IL1RAPL2: variants seen among roughly 807,000 people sequenced by gnomAD.
The protein encoded by IL1RAPL2 is interleukin 1 receptor accessory protein like 2.
A neutral mutation model predicts 44.1 loss-of-function variants in IL1RAPL2; 3 were observed. The observed-to-expected ratio is 0.07, with a 90% confidence interval of 0.03 to 0.18. The LOEUF is 0.18. Ranked by LOEUF, IL1RAPL2 falls within the 10% of genes least tolerant of loss-of-function variation. The pLI is 1.00. For missense variants in IL1RAPL2, 391 were observed against 496.4 expected, an observed-to-expected ratio of 0.79 and a Z score of 2.02; for synonymous variants, 181 against 178.8, an observed-to-expected ratio of 1.01 and a Z score of -0.10.
rs1026509502 is a variant in IL1RAPL2 at position 105,035,120 on chromosome X, A to C, written c.83-160355A>C. Among the ~76,000 whole-genome samples the C allele has an allele frequency of 8.6e-4, 95 of 111,079 alleles. 1 individual carries two copies. The highest frequency in any genetic ancestry group is 7.6e-4 in the Admixed American group (8 of 10,513). On this transcript the variant is annotated intron_variant, in intron 2 of 10. Coordinates refer to ENST00000372582, the MANE Select transcript of IL1RAPL2 (RefSeq NM_017416.2). Reference sequence around the variant, plus strand: ...TGAAGTATTAGGGTGGGAGTGACCCAATTTTCCAGGTGCCGTCTGTCACCC... The same window carrying C: ...TGAAGTATTAGGGTGGGAGTGACCCCATTTTCCAGGTGCCGTCTGTCACCC...
intron 6 of IL1RAPL2, among the ~76,000 whole-genome samples, chrX:105,705,552 G>C (rs1256264507): frequency 9.0e-6 from 1 of 110,896 alleles, no homozygotes; most frequent in Non-Finnish European, 1.9e-5. Context: ...TTGACTTTGA[G>C]ATATTTTCCC....
At chrX:105,365,436 C>T (rs896852956) in intron 5 of IL1RAPL2, among the ~76,000 whole-genome samples, 5 of 111,161 alleles carry the variant, frequency 4.5e-5, no homozygotes, top group Non-Finnish European at 9.4e-5. Context: ...AGTATTCCCT[C>T]CTCTTAAATT....
At chrX:105,098,737 G>A (rs935756722) in intron 2 of IL1RAPL2, among the ~76,000 whole-genome samples, 3 of 111,812 alleles carry the variant, frequency 2.7e-5, no homozygotes, top group Non-Finnish European at 3.8e-5. Flanking sequence ...CTTCTGATTT[G>A]GGTCAGAGTC....
intron 2 of IL1RAPL2, among the ~76,000 whole-genome samples, chrX:104,826,194 T>TTTAA (rs1438083804): frequency 1.8e-5 from 2 of 111,695 alleles, no homozygotes; most frequent in Admixed American, 9.6e-5. Flanking sequence ...CTCTAGTTCT[T>TTTAA]TTGTGATGTT....
intron 2 of IL1RAPL2, among the ~76,000 whole-genome samples, chrX:105,054,331 A>G (rs1473409692): frequency 3.6e-5 from 4 of 111,686 alleles, no homozygotes; most frequent in African/African-American, 1.3e-4. Context: ...TTTTTTCATC[A>G]TGAGTAAAAT....
intron 2 of IL1RAPL2, among the ~76,000 whole-genome samples, chrX:105,109,622 G>C (rs2032781190): frequency 8.9e-6 from 1 of 111,862 alleles, no homozygotes; most frequent in Admixed American, 9.5e-5. Flanking sequence ...AGAAGTGACT[G>C]TCAACAGTAT....
chrX:105,183,514 TGTG>T (rs1301703247), intron 2 of IL1RAPL2, among the ~76,000 whole-genome samples: 6 of 110,676 alleles, frequency 5.4e-5, no homozygotes, highest in African/African-American at 2.0e-4. Context: ...GAGTCACAGG[TGTG>T]GTGGCAGCAG....
chrX:104,707,687 A>G (rs965505693), intron 2 of IL1RAPL2, among the ~76,000 whole-genome samples: 2 of 111,582 alleles, frequency 1.8e-5, no homozygotes, highest in Non-Finnish European at 3.8e-5. Context: ...TGAGCTAATG[A>G]TATATCTTAA....
intron 2 of IL1RAPL2, among the ~76,000 whole-genome samples, chrX:105,033,957 A>C (rs1445353482): frequency 9.1e-6 from 1 of 109,498 alleles, no homozygotes; most frequent in African/African-American, 3.3e-5. Context: ...TTCCCTTCTC[A>C]CTTCATTTCA....
chrX:104,745,694 A>T (rs1932162379), intron 2 of IL1RAPL2, among the ~76,000 whole-genome samples: 1 of 111,955 alleles, frequency 8.9e-6, no homozygotes, highest in Admixed American at 9.5e-5. Context: ...TAGCATTTTC[A>T]GATTAAGCAA....
intron 2 of IL1RAPL2, among the ~76,000 whole-genome samples, chrX:104,873,572 C>A (rs1161573745): frequency 9.0e-6 from 1 of 111,256 alleles, no homozygotes; most frequent in Admixed American, 9.6e-5. Flanking sequence ...AACAGGGAAG[C>A]CTCTATCTGG....
chrX:104,890,766 G>A (rs1250618491), intron 2 of IL1RAPL2, among the ~76,000 whole-genome samples: 1 of 111,566 alleles, frequency 9.0e-6, no homozygotes, highest in South Asian at 3.8e-4. Flanking sequence ...CACTCTGATG[G>A]TAGTTTCTTT....
At chrX:104,887,385 G>A in intron 2 of IL1RAPL2, among the ~76,000 whole-genome samples, 1 of 112,123 alleles carries the variant, frequency 8.9e-6, no homozygotes, top group Non-Finnish European at 1.9e-5. Context: ...TAGACTCGTG[G>A]GACAACCCCA....
chrX:104,848,442 T>C (rs1922124905), intron 2 of IL1RAPL2, among the ~76,000 whole-genome samples: 1 of 77,658 alleles, frequency 1.3e-5, no homozygotes, highest in African/African-American at 4.2e-5. Context: ...TATATATATA[T>C]ATATATATAA....
Position 105,030,032 on chromosome X carries a change from T to G in IL1RAPL2, c.83-165443T>G, listed in dbSNP as rs187989017. On this transcript the variant is annotated intron_variant, in intron 2 of 10. Coordinates refer to ENST00000372582, the MANE Select transcript of IL1RAPL2 (RefSeq NM_017416.2). ...GATGAGCATTTTTTCATGTGTTTTT[T>G]GGGGGCATAAATGTCTTCTTTTGAG... Among the ~76,000 whole-genome samples the G allele has an allele frequency of 4.6e-3, 515 of 112,346 alleles. 6 individuals carry two copies. The highest frequency in any genetic ancestry group is 0.016 in the African/African-American group (496 of 30,876).
At chrX:104,627,257 C>T (rs1379754831) in intron 1 of IL1RAPL2, among the ~76,000 whole-genome samples, 1 of 100,008 alleles carries the variant, frequency 1.0e-5, no homozygotes, top group Non-Finnish European at 2.0e-5. Flanking sequence ...GGTTTTTTGT[C>T]CTTGCGATAG....
intron 5 of IL1RAPL2, among the ~76,000 whole-genome samples, chrX:105,318,011 C>T (rs1337733651): frequency 6.6e-5 from 7 of 106,418 alleles, no homozygotes; most frequent in African/African-American, 1.7e-4. Flanking sequence ...CTCGCTCTGT[C>T]GCCCAGGCTG....
intron 2 of IL1RAPL2, among the ~76,000 whole-genome samples, chrX:105,147,754 CTACA>C (rs1321976470): frequency 3.6e-5 from 4 of 111,602 alleles, no homozygotes; most frequent in Non-Finnish European, 7.5e-5. Flanking sequence ...TTATGGACAT[CTACA>C]TTGGTTCAAC....
In IL1RAPL2 at chrX:104,875,608, G is replaced by A. The variant is rs765555312; in HGVS notation, c.82+216613G>A. Among the ~76,000 whole-genome samples, 3 of 110,956 alleles carry A rather than the reference G, an allele frequency of 2.7e-5. No individual in the cohort carries two copies. In the East Asian group the frequency reaches 8.6e-4, roughly 32 times the overall value. ...TAGTGCCTGACTTATACTATCCTTG[G>A]TCTGGAACTCTTTTCCCCCCACAGA... On this transcript the variant is annotated intron_variant, in intron 2 of 10. Coordinates refer to ENST00000372582, the MANE Select transcript of IL1RAPL2 (RefSeq NM_017416.2).
Sources: gnomAD v4.1 joint callset for allele counts (sites outside exome capture counted in the v4.1 genomes callset) on GRCh38, gnomAD v4.1.1 for gene constraint, MANE v1.5 for transcripts, NCBI Gene and HGNC (gene_info 2026-07-23, HGNC 2026-07-21) for gene names.